TRPM3: variants seen among roughly 807,000 people sequenced by gnomAD.
The protein encoded by TRPM3 is transient receptor potential cation channel subfamily M member 3, also known as long transient receptor potential channel 3.
In TRPM3, 77 loss-of-function variants were observed where a neutral mutation model predicts 181.2. That is an observed-to-expected ratio of 0.42 (90% CI 0.35 to 0.51). The LOEUF (loss-of-function observed/expected upper bound fraction) is 0.51, where lower values mean the gene tolerates loss of function less well. TRPM3 is among the 20% of genes least tolerant of loss of function. The probability of loss-of-function intolerance (pLI) is 0.01; values close to 1 mark genes in which losing one functional copy is unlikely to be tolerated. For synonymous variants in TRPM3, 745 were observed against 796.4 expected (o/e 0.94, Z 1.09); for missense variants, 1,759 against 2,196.7 (o/e 0.80, Z 3.98).
At chr9:70,540,414 C>T (rs1204909299) in intron 25 of TRPM3, among the ~76,000 whole-genome samples, 2 of 152,190 alleles carry the variant, frequency 1.3e-5, no homozygotes, top group African/African-American at 2.4e-5. Context: ...TGAAGTATCT[C>T]CTTGCCATGG....
At chr9:70,842,185 A>C (rs979097150) in intron 5 of TRPM3, among the ~76,000 whole-genome samples, 1 of 151,838 alleles carries the variant, frequency 6.6e-6, no homozygotes, top group Non-Finnish European at 1.5e-5. Flanking sequence ...AATGCATCAC[A>C]GTCTGTCCCA....
At chr9:71,085,113 A>G (rs1353124947) in intron 1 of TRPM3, among the ~76,000 whole-genome samples, 1 of 152,136 alleles carries the variant, frequency 6.6e-6, no homozygotes. Flanking sequence ...ACTTTTCACC[A>G]TATACAAAAA....
chr9:71,218,442 A>G (rs959835395), intron 1 of TRPM3, among the ~76,000 whole-genome samples: 6 of 152,238 alleles, frequency 3.9e-5, no homozygotes, highest in Admixed American at 2.6e-4. Context: ...TAACTTGCCC[A>G]AGGTAACATC....
intron 1 of TRPM3, among the ~76,000 whole-genome samples, chr9:71,385,855 C>T (rs1158306927): frequency 1.3e-5 from 2 of 151,918 alleles, no homozygotes; most frequent in African/African-American, 2.4e-5. Flanking sequence ...CAGGTGTGCA[C>T]CAACACACCT....
At chr9:70,667,521 T>C (rs997302733) in intron 9 of TRPM3, among the ~76,000 whole-genome samples, 4 of 152,160 alleles carry the variant, frequency 2.6e-5, no homozygotes, top group African/African-American at 9.7e-5. Flanking sequence ...TTGTACCTGG[T>C]TCCCCTAGAC....
intron 1 of TRPM3, among the ~76,000 whole-genome samples, chr9:71,242,316 T>TA (rs960019208): frequency 3.0e-4 from 45 of 152,178 alleles, no homozygotes; most frequent in African/African-American, 1.1e-3. Context: ...GTCCATGAAA[T>TA]AGTCAGTTAA....
At chr9:71,276,292 TA>T (rs770420722) in intron 1 of TRPM3, among the ~76,000 whole-genome samples, 4 of 115,226 alleles carry the variant, frequency 3.5e-5, no homozygotes, top group Non-Finnish European at 7.4e-5. Context: ...TTTAGGGAAA[TA>T]TTTTTTTATG....
chr9:71,173,437 T>C (rs971913308), intron 1 of TRPM3, among the ~76,000 whole-genome samples: 1 of 152,212 alleles, frequency 6.6e-6, no homozygotes, highest in Non-Finnish European at 1.5e-5. Flanking sequence ...AAGTGGTAAA[T>C]TGTAAACATA....
intron 1 of TRPM3, among the ~76,000 whole-genome samples, chr9:71,109,141 C>G (rs1249481560): frequency 6.6e-6 from 1 of 152,196 alleles, no homozygotes; most frequent in Non-Finnish European, 1.5e-5. Context: ...AATTTTCTGG[C>G]TCTCCAGCCA....
chr9:71,112,252 G>T (rs1050658927), intron 1 of TRPM3, among the ~76,000 whole-genome samples: 1 of 152,150 alleles, frequency 6.6e-6, no homozygotes, highest in Non-Finnish European at 1.5e-5. Context: ...ACATATGTTA[G>T]ATCACCATAT....
intron 22 of TRPM3, among the ~76,000 whole-genome samples, chr9:70,567,939 C>A (rs1296415016): frequency 6.6e-6 from 1 of 151,968 alleles, no homozygotes; most frequent in Non-Finnish European, 1.5e-5. Context: ...CATACACACA[C>A]AGGAGAGAGA....
At chr9:71,112,737 A>G (rs1249672954) in intron 1 of TRPM3, among the ~76,000 whole-genome samples, 1 of 152,200 alleles carries the variant, frequency 6.6e-6, no homozygotes, top group South Asian at 2.1e-4. Context: ...AGAGCTAATA[A>G]TACCACAACA....
intron 1 of TRPM3, among the ~76,000 whole-genome samples, chr9:71,351,426 AGAAG>A (rs1337469448): frequency 5.3e-5 from 8 of 152,258 alleles, no homozygotes; most frequent in East Asian, 1.9e-4. Context: ...ATAATTGAAA[AGAAG>A]GAAGGGGACA....
At chr9:71,196,234 T>C (rs11792570) in intron 1 of TRPM3, among the ~76,000 whole-genome samples, 40,599 of 151,546 alleles carry the variant, frequency 0.27, 6,024 homozygotes, top group Middle Eastern at 0.46. Flanking sequence ...ATTTATTTGA[T>C]TTCCCAACCT....
chr9:70,869,176 C>A (rs533767339), intron 1 of TRPM3: 135 of 444,966 alleles, frequency 3.0e-4, no homozygotes, highest in African/African-American at 2.8e-3. Context: ...GGCAGATTAG[C>A]CCCTTGGAAT....
chr9:70,808,475 A>G (rs924807632), intron 6 of TRPM3, among the ~76,000 whole-genome samples: 1 of 152,226 alleles, frequency 6.6e-6, no homozygotes, highest in South Asian at 2.1e-4. Context: ...TGACAAGTCA[A>G]TACCAAGAAA....
At chr9:71,058,157 T>C (rs908452931) in intron 1 of TRPM3, among the ~76,000 whole-genome samples, 30 of 152,082 alleles carry the variant, frequency 2.0e-4, no homozygotes, top group African/African-American at 7.0e-4. Flanking sequence ...TAATATTAGA[T>C]ACATGTTTTA....
intron 1 of TRPM3, among the ~76,000 whole-genome samples, chr9:71,200,248 T>C (rs1172587076): frequency 2.0e-5 from 3 of 152,024 alleles, no homozygotes; most frequent in South Asian, 2.1e-4. Context: ...CAGTTTGTTA[T>C]AATTTCTGTT....
At chr9:71,405,490 A>C (rs568740351) in intron 1 of TRPM3, among the ~76,000 whole-genome samples, 1 of 152,280 alleles carries the variant, frequency 6.6e-6, no homozygotes, top group African/African-American at 2.4e-5. Flanking sequence ...TTAACCTGAA[A>C]TTTGATTCAT....
Sources: allele counts gnomAD v4.1 joint callset (sites outside exome capture counted in the v4.1 genomes callset), GRCh38; gene constraint gnomAD v4.1.1; transcripts MANE v1.5; gene names NCBI Gene and HGNC (gene_info 2026-07-23, HGNC 2026-07-21).